P3H2: variants seen among roughly 807,000 people sequenced by gnomAD.
P3H2 encodes the protein leprecan-like 1.
Under a neutral mutation model 87.0 loss-of-function variants are expected in P3H2, and 80 were observed. The observed-to-expected ratio is 0.92, with a 90% CI of 0.77 to 1.11. P3H2 has a LOEUF of 1.11. Among genes scored for constraint, P3H2 ranks in the 50% least tolerant of loss-of-function variants. The probability of loss-of-function intolerance (pLI) is 0.00; values close to 1 mark genes in which losing one functional copy is unlikely to be tolerated. For synonymous variants in P3H2, 367 were observed against 359.3 expected, an observed-to-expected ratio of 1.02 and a Z score of -0.24; for missense variants, 1,001 against 923.9, an observed-to-expected ratio of 1.08 and a Z score of -1.08.
chr3:190,077,565 T>C (rs1726911263), intron 1 of P3H2, among the ~76,000 whole-genome samples: 2 of 152,190 alleles, frequency 1.3e-5, no homozygotes, highest in South Asian at 4.1e-4. Flanking sequence ...ATTGTTCTTG[T>C]CTATTGAAGA....
chr3:190,106,815 T>C (rs992400397), intron 1 of P3H2, among the ~76,000 whole-genome samples: 3 of 152,322 alleles, frequency 2.0e-5, no homozygotes, highest in Non-Finnish European at 4.4e-5. Flanking sequence ...CATTATTTAA[T>C]CTTTCAGGCT....
chr3:189,967,446 A>G (rs1273590122), intron 13 of P3H2, among the ~76,000 whole-genome samples: 1 of 146,906 alleles, frequency 6.8e-6, no homozygotes, highest in Non-Finnish European at 1.5e-5. Flanking sequence ...AGCATTTCCA[A>G]ATACGGCCAC....
chr3:189,962,900 A>C (rs530947571), intron 14 of P3H2, among the ~76,000 whole-genome samples: 1 of 152,378 alleles, frequency 6.6e-6, no homozygotes, highest in African/African-American at 2.4e-5. Flanking sequence ...TTTTAAGAAT[A>C]GAATTTCATA....
chr3:190,113,905 G>A (rs1028682222), intron 1 of P3H2, among the ~76,000 whole-genome samples: 2 of 151,718 alleles, frequency 1.3e-5, no homozygotes, highest in African/African-American at 2.4e-5. Context: ...GTGAAACCCC[G>A]TCTCTACTAA....
At chr3:190,000,430 T>C (rs1724174857) in intron 1 of P3H2, among the ~76,000 whole-genome samples, 3 of 152,176 alleles carry the variant, frequency 2.0e-5, no homozygotes, top group Admixed American at 2.0e-4. Flanking sequence ...CTATAACAAA[T>C]GTTGACATTC....
chr3:190,053,739 T>C (rs1158242509), intron 1 of P3H2, among the ~76,000 whole-genome samples: 1 of 152,200 alleles, frequency 6.6e-6, no homozygotes, highest in African/African-American at 2.4e-5. Flanking sequence ...ATTACAGGAA[T>C]GAGCCACTGG....
intron 1 of P3H2, among the ~76,000 whole-genome samples, chr3:190,119,183 AGAG>A (rs1299101608): frequency 2.6e-5 from 3 of 116,428 alleles, no homozygotes; most frequent in Non-Finnish European, 5.2e-5. Flanking sequence ...AGAGGAGAGG[AGAG>A]GAGAGGAGGG....
Position 189,994,167 on chromosome 3 carries a change from T to C in P3H2, c.750A>G (p.Leu250=). The change falls in exon 3 of 15, where the codon CTA becomes CTG. Residue 250 remains leucine (L), a synonymous_variant. Coordinates refer to ENST00000319332, the MANE Select transcript of P3H2 (RefSeq NM_018192.4). The part of the protein sequence containing the change: ...YFVEDTECRT[L]CEGPQRFEEY... Reference sequence around the variant, plus strand: ...CTTCAAATCTCTGAGGCCCCTCACATAGGGTCCGGCATTCTGTATCTTCAA... The same window carrying C: ...CTTCAAATCTCTGAGGCCCCTCACACAGGGTCCGGCATTCTGTATCTTCAA... 1.2e-6 allele frequency: 2 copies of C among 1,613,808 alleles called. No individual in the cohort carries two copies. Among genetic ancestry groups the C allele is most frequent in the Non-Finnish European group, 1.7e-6 (2 of 1,179,810 alleles).
chr3:190,040,128 TCA>T (rs955038659), intron 1 of P3H2, among the ~76,000 whole-genome samples: 1 of 152,120 alleles, frequency 6.6e-6, no homozygotes, highest in Non-Finnish European at 1.5e-5. Flanking sequence ...GTAATTGGCA[TCA>T]CACACACACA....
At chr3:190,116,283 A>G (rs1712284828) in intron 1 of P3H2, among the ~76,000 whole-genome samples, 1 of 152,328 alleles carries the variant, frequency 6.6e-6, no homozygotes, top group East Asian at 1.9e-4. Flanking sequence ...AAAAGAATAA[A>G]TGTATCTCCA....
chr3:189,983,319 G>A (rs1015302283), intron 7 of P3H2, 179 bp from the exon 8 acceptor site: 12 of 586,156 alleles, frequency 2.0e-5, no homozygotes, highest in South Asian at 1.1e-4. Flanking sequence ...CTATTTCCTC[G>A]GTGAGTTTGC....
rs116202333 is a variant in P3H2 at position 189,974,747 on chromosome 3, T to C, written c.1325-62A>G. 321 of 1,600,246 alleles carry C rather than the reference T, an allele frequency of 2.0e-4. No individual in the cohort carries two copies. The African/African-American group carries it at 3.7e-3, about 19-fold the overall frequency. On this transcript the variant is annotated intron_variant, in intron 8 of 14. Transcript: ENST00000319332. ...CTGTCCCCCGAAAGGAAGCACAGAA[T>C]ACCAAACAGCTTTCAATGTGCAATT...
At chr3:190,075,630 A>G (rs554616646) in intron 1 of P3H2, among the ~76,000 whole-genome samples, 1 of 152,310 alleles carries the variant, frequency 6.6e-6, no homozygotes, top group Non-Finnish European at 1.5e-5. Context: ...CCCAAAATAT[A>G]TGGCACTGGA....
chr3:190,042,081 A>T (rs528319301), intron 1 of P3H2, among the ~76,000 whole-genome samples: 29 of 152,296 alleles, frequency 1.9e-4, no homozygotes, highest in Admixed American at 1.8e-3. Flanking sequence ...ACTGGCTTCT[A>T]TCGTCTGAAT....
Position 190,103,378 on chromosome 3 carries a change from G to A in P3H2, c.480+16874C>T, listed in dbSNP as rs1711705523. Among the ~76,000 whole-genome samples the A allele has an allele frequency of 2.0e-5, 3 of 152,216 alleles. No homozygotes were observed. The South Asian group carries it at 6.2e-4, about 32-fold the overall frequency. On this transcript the variant is annotated intron_variant, in intron 1 of 14. Transcript: ENST00000319332. ...GGAGGTATTGATCATAAGACTATCA[G>A]ACTTAATCTGGGACAATGGGTTACA...
At chr3:189,962,454 C>T (rs1270083247) in intron 14 of P3H2, among the ~76,000 whole-genome samples, 3 of 152,120 alleles carry the variant, frequency 2.0e-5, no homozygotes, top group Non-Finnish European at 4.4e-5. Flanking sequence ...GGATTATAGG[C>T]GTGAGCCACC....
chr3:189,978,678 T>A (rs1166776968), intron 8 of P3H2, among the ~76,000 whole-genome samples: 1 of 149,804 alleles, frequency 6.7e-6, no homozygotes, highest in Non-Finnish European at 1.5e-5. Context: ...CCATCACCCA[T>A]CAACTAACCA....
chr3:189,979,553 T>C (rs983484277), intron 8 of P3H2, among the ~76,000 whole-genome samples: 1 of 152,160 alleles, frequency 6.6e-6, no homozygotes. Context: ...CTGTGGAGCA[T>C]ATCAGAATAA....
At chr3:190,045,776 G>A (rs1431497379) in intron 1 of P3H2, among the ~76,000 whole-genome samples, 1 of 149,152 alleles carries the variant, frequency 6.7e-6, no homozygotes, top group Non-Finnish European at 1.5e-5. Flanking sequence ...CGTCTTTCCT[G>A]AAAAAAAAAA....
Sources: allele counts gnomAD v4.1 joint callset (sites outside exome capture counted in the v4.1 genomes callset), GRCh38; gene constraint gnomAD v4.1.1; transcripts MANE v1.5; gene names NCBI Gene and HGNC (gene_info 2026-07-23, HGNC 2026-07-21).